The following OTOG variants were observed in gnomAD, a reference collection of about 807,000 sequenced individuals.
The protein encoded by OTOG is otogelin.
In OTOG, 296 loss-of-function variants were observed where a neutral mutation model predicts 313.8. The observed-to-expected ratio is 0.94, with a 90% CI of 0.86 to 1.04. The LOEUF is 1.04. Among genes scored for constraint, OTOG ranks in the 50% least tolerant of loss-of-function variants. The pLI, the probability that OTOG is intolerant of heterozygous loss-of-function variation, is 0.00. For missense variants in OTOG, 3,948 were observed against 3,840.1 expected (o/e 1.03, Z -0.74); for synonymous variants, 1,533 against 1,554.9 (o/e 0.99, Z 0.33).
intron 15 of OTOG, among the ~76,000 whole-genome samples, chr11:17,564,891 A>C (rs772112546): frequency 6.6e-6 from 1 of 152,226 alleles, no homozygotes; most frequent in Non-Finnish European, 1.5e-5. Context: ...TTATCACAGC[A>C]TCTGAACACA....
Position 17,602,205 on chromosome 11 carries a change from T to C in OTOG, c.3710-5T>C. On this transcript the variant is annotated splice_region_variant and splice_polypyrimidine_tract_variant and intron_variant, in intron 31 of 55. Coordinates refer to ENST00000399397, the MANE Select transcript of OTOG (RefSeq NM_001292063.2). ...CAGGTTGCTGATGGGGCCTCTTCTC[T>C]CCAGTGCTAGGTAAGGGCCCCTATC... 6.5e-7 allele frequency: 1 copy of C among 1,550,004 alleles called. No individual in the cohort carries two copies. The highest frequency in any genetic ancestry group is 8.7e-7 in the Non-Finnish European group (1 of 1,146,874).
rs1242484274 is a variant in OTOG at position 17,645,750 on chromosome 11, C to T, written c.8548C>T (p.Leu2850=). The T allele has an allele frequency of 1.9e-6, 3 of 1,550,788 alleles. No individual in the cohort carries two copies. The African/African-American group carries it at 4.1e-5, about 21-fold the overall frequency. ...ACTGGCCTGCCCGTTCCAGGTGAAC[C>T]TAGTGTCCTGCGATGGGAGGTGCCC... The part of the protein sequence containing the change: ...NECRSSTPVN[L]VSCDGRCPSA... Residue 2850 remains leucine (L), a synonymous_variant, in exon 56 of 56, where the codon CTA becomes TTA. Transcript: ENST00000399397.
chr11:17,586,613 T>C, intron 24 of OTOG, 32 bp downstream of exon 24: 1 of 1,265,706 alleles, frequency 7.9e-7, no homozygotes, highest in Non-Finnish European at 1.0e-6. Flanking sequence ...GCTTTGCTTT[T>C]TTGCTGGGAG....
chr11:17,602,489 C>A (rs757656763), intron 32 of OTOG, 112 bp downstream of exon 32: 13 of 1,193,908 alleles, frequency 1.1e-5, no homozygotes, highest in Non-Finnish European at 1.4e-5. Context: ...ATAGGGGCTC[C>A]GACAAGTGCC....
intron 47 of OTOG, among the ~76,000 whole-genome samples, chr11:17,636,200 C>T (rs1056325557): frequency 2.0e-5 from 3 of 152,068 alleles, no homozygotes; most frequent in Non-Finnish European, 4.4e-5. Context: ...GGCCTGGTAC[C>T]TGTATGTATG....
intron 12 of OTOG, among the ~76,000 whole-genome samples, chr11:17,559,904 G>A (rs922679350): frequency 2.3e-4 from 24 of 103,624 alleles, no homozygotes; most frequent in African/African-American, 1.2e-3. Context: ...GAGGGAGGGA[G>A]GAAGGAAGGA....
At chr11:17,594,251 G>T in intron 28 of OTOG, 85 bp downstream of exon 28, 1 of 1,504,108 alleles carries the variant, frequency 6.6e-7, no homozygotes, top group South Asian at 1.2e-5. Flanking sequence ...TCAGGGAAGA[G>T]GGATGCTGGT....
At position 17,609,788 on chromosome 11, in the gene OTOG, G is replaced by T; in HGVS notation, c.4488G>T (p.Arg1496Ser). 1 of 1,548,164 alleles carries T rather than the reference G, an allele frequency of 6.5e-7. No homozygotes were observed. Among genetic ancestry groups the T allele is most frequent in the Non-Finnish European group, 8.7e-7 (1 of 1,145,796 alleles). ...AAAGCCCCAGGACCCCCACCCACAGGCCAGCCCTCACCCCAGCTGCCCCAC... is the reference window on the plus strand; with the variant it reads ...AAAGCCCCAGGACCCCCACCCACAGTCCAGCCCTCACCCCAGCTGCCCCAC... ...SQESPRTPTH[R>S]PALTPAAPLT... The change falls in exon 36 of 56, where the codon AGG (arginine) becomes AGT (serine). Residue 1496 changes from arginine to serine, a missense_variant. Physicochemically the swap from Arg to Ser is moderately radical, Grantham distance 110. Coordinates refer to ENST00000399397, the MANE Select transcript of OTOG (RefSeq NM_001292063.2).
At chr11:17,596,695 C>T (rs191311533) in intron 29 of OTOG, among the ~76,000 whole-genome samples, 156 bp from the exon 30 acceptor site, 298 of 152,362 alleles carry the variant, frequency 2.0e-3, no homozygotes, top group Middle Eastern at 0.014. Flanking sequence ...ATGGAGTTCT[C>T]GCTTCCTTGT....
intron 11 of OTOG, 57 bp downstream of exon 11, chr11:17,559,218 A>C: frequency 2.4e-6 from 3 of 1,271,062 alleles, no homozygotes; most frequent in Non-Finnish European, 3.3e-6. Flanking sequence ...TGGCATTCTC[A>C]GGCCTCAGCT....
intron 29 of OTOG, 95 bp downstream of exon 29, chr11:17,596,249 A>AT: frequency 1.1e-6 from 1 of 903,462 alleles, no homozygotes; most frequent in Non-Finnish European, 1.8e-6. Flanking sequence ...CAGAGGAGAC[A>AT]GCTCAGATCT....
chr11:17,607,525 G>A (rs71484776), intron 33 of OTOG, among the ~76,000 whole-genome samples: 2,364 of 152,352 alleles, frequency 0.016, 28 homozygotes, highest in Middle Eastern at 0.045. Flanking sequence ...TCTCTAAAGT[G>A]GGGGTAATAA....
rs141701460 is a variant in OTOG at position 17,639,010 on chromosome 11, G to A, written c.7895-413G>A. The stretch of plus-strand genomic sequence containing the variant: ...GGACGTTGCAGTGAGTCAAGATAGC[G>A]CCACTGCACTCCAGCCTGGGCGACA... On this transcript the variant is annotated intron_variant, in intron 48 of 55. Transcript: ENST00000399397. 7.7e-3 allele frequency: 2,705 copies of A among 349,060 alleles called. 73 individuals are homozygous for A. Among genetic ancestry groups the A allele is most frequent in the African/African-American group, 0.053 (2,500 of 47,312 alleles). 21.6% of individuals were successfully genotyped at this position (349,060 alleles called of 1,614,324 possible). A position where few individuals can be genotyped will look rare whatever the true frequency, so the allele number is the denominator to read the frequency against.
At chr11:17,633,382 C>CT (rs925573792) in intron 42 of OTOG, among the ~76,000 whole-genome samples, 1 of 152,188 alleles carries the variant, frequency 6.6e-6, no homozygotes, top group Non-Finnish European at 1.5e-5. Flanking sequence ...TCAACTCTAC[C>CT]TTTTTTGGTA....
chr11:17,569,816 A>C (rs1266593583), intron 16 of OTOG, among the ~76,000 whole-genome samples: 3 of 152,234 alleles, frequency 2.0e-5, no homozygotes, highest in Non-Finnish European at 4.4e-5. Flanking sequence ...AATTTGTTAC[A>C]CTTGAATCTA....
At chr11:17,561,882 A>G (rs1244305163) in intron 15 of OTOG, 75 bp downstream of exon 15, 1 of 1,520,934 alleles carries the variant, frequency 6.6e-7, no homozygotes, top group Non-Finnish European at 8.9e-7. Context: ...ACTGGGACTT[A>G]GGACAGGGCT....
Position 17,634,069 on chromosome 11 carries a change from C to T in OTOG, c.7268C>T (p.Ala2423Val). 2 of 1,544,132 alleles carry T rather than the reference C, an allele frequency of 1.3e-6. No individual in the cohort carries two copies. The highest frequency in any genetic ancestry group is 1.7e-6 in the Non-Finnish European group (2 of 1,146,606). ...SALCIPEAKC[A>V]CTDSMGVPRA... ...CGCACCCTGCCATTCCCCTCTGCAG[C>T]CTGCACTGACAGCATGGGGGTGCCG... Residue 2423 changes from alanine to valine, a missense_variant and splice_region_variant, in exon 44 of 56, where the codon GCC becomes GTC. Ala to Val is a moderately conservative substitution (Grantham distance 64). Coordinates refer to ENST00000399397, the MANE Select transcript of OTOG (RefSeq NM_001292063.2).
intron 3 of OTOG, among the ~76,000 whole-genome samples, chr11:17,548,843 G>C (rs1859821): frequency 0.089 from 13,568 of 152,050 alleles, 730 homozygotes; most frequent in Middle Eastern, 0.27. Context: ...TCCGTTACCT[G>C]AGTAGCTAGG....
At chr11:17,631,172 A>G (rs1854112392) in intron 40 of OTOG, among the ~76,000 whole-genome samples, 1 of 152,158 alleles carries the variant, frequency 6.6e-6, no homozygotes, top group African/African-American at 2.4e-5. Flanking sequence ...AAATACACTG[A>G]CTGCCCAGGA....
Sources: gnomAD v4.1 joint callset for allele counts (sites outside exome capture counted in the v4.1 genomes callset) on GRCh38, gnomAD v4.1.1 for gene constraint, MANE v1.5 for transcripts, NCBI Gene and HGNC (gene_info 2026-07-23, HGNC 2026-07-21) for gene names.